The following DHX57 variants were observed in gnomAD, a reference collection of about 807,000 sequenced individuals.
DHX57 encodes the protein putative ATP-dependent RNA helicase DHX57.
In DHX57, 105 loss-of-function variants were observed where a neutral mutation model predicts 156.2. The ratio of observed to expected loss-of-function variants is 0.67; its 90% CI spans 0.57 to 0.79. The LOEUF (loss-of-function observed/expected upper bound fraction) is 0.79. Ranked by LOEUF, DHX57 falls within the 30% of genes least tolerant of loss-of-function variation. The probability of loss-of-function intolerance (pLI) is 0.00; values close to 1 mark genes in which losing one functional copy is unlikely to be tolerated. For synonymous variants in DHX57, 704 were observed against 595.6 expected (o/e 1.18, Z -2.65); for missense variants, 1,847 against 1,661.9 (o/e 1.11, Z -1.94).
At chr2:38,851,207 C>A (rs1235841625) in intron 9 of DHX57, among the ~76,000 whole-genome samples, 1 of 152,158 alleles carries the variant, frequency 6.6e-6, no homozygotes, top group Non-Finnish European at 1.5e-5. Context: ...TTCTAACTCC[C>A]AATATACTCC....
rs192098583 is a variant in DHX57 at position 38,835,054 on chromosome 2, G to A, written c.2542+2777C>T. Among the ~76,000 whole-genome samples, 5 of 152,224 alleles carry A rather than the reference G, an allele frequency of 3.3e-5. No homozygotes were observed. In the East Asian group the frequency reaches 9.6e-4, roughly 29 times the overall value. ...GTTTGACAATTTTAGAAAGAGGTTTGGCTTTTAAAATATCAAGATAACAGA... is the reference window on the plus strand; with the variant it reads ...GTTTGACAATTTTAGAAAGAGGTTTAGCTTTTAAAATATCAAGATAACAGA... On this transcript the variant is annotated intron_variant, in intron 13 of 23. Transcript: ENST00000457308.
intron 16 of DHX57, among the ~76,000 whole-genome samples, chr2:38,824,856 C>G (rs1169559173): frequency 6.6e-6 from 1 of 152,120 alleles, no homozygotes; most frequent in Non-Finnish European, 1.5e-5. Context: ...ACCATGTTGT[C>G]CAGGCTGGTC....
At chr2:38,810,223 GT>G (rs1670170978) in intron 21 of DHX57, among the ~76,000 whole-genome samples, 1 of 133,794 alleles carries the variant, frequency 7.5e-6, no homozygotes, top group African/African-American at 2.8e-5. Flanking sequence ...TTTTTTAATT[GT>G]CATTTTATAG....
intron 4 of DHX57, 77 bp from the exon 5 acceptor site, chr2:38,861,914 T>G: frequency 7.0e-7 from 1 of 1,427,322 alleles, no homozygotes; most frequent in Non-Finnish European, 9.4e-7. Flanking sequence ...CATTTAAATA[T>G]GCTTAGATGA....
At chr2:38,865,850 T>A (rs1459185565) in intron 2 of DHX57, among the ~76,000 whole-genome samples, 3 of 152,210 alleles carry the variant, frequency 2.0e-5, no homozygotes, top group Non-Finnish European at 4.4e-5. Flanking sequence ...CTATTTTATA[T>A]CTACACTTGG....
At position 38,837,878 on chromosome 2, in the gene DHX57, T is replaced by A. The variant is rs151227417; in HGVS notation, c.2495A>T (p.Glu832Val). 2 of 1,613,730 alleles carry A rather than the reference T, an allele frequency of 1.2e-6. No homozygotes were observed. Among genetic ancestry groups the A allele is most frequent in the Non-Finnish European group, 1.7e-6 (2 of 1,179,658 alleles). The change falls in exon 13 of 24, where the codon GAG becomes GTG. Residue 832 changes from glutamate to valine, a missense_variant. Transcript: ENST00000457308. ...ATCCACAATCCACTCTAATAAGGCC[T>A]CTATTAATTCAAGATTCACCTTTTC... Reference protein sequence around the residue: ...DFEKVNLELIEALLEWIVDGK... With the variant: ...DFEKVNLELIVALLEWIVDGK...
At position 38,860,988 on chromosome 2, in the gene DHX57, GC is replaced by G. The variant is rs780650985; in HGVS notation, c.1411+10del. On this transcript the variant is annotated intron_variant, in intron 5 of 23. Coordinates refer to ENST00000457308, the MANE Select transcript of DHX57 (RefSeq NM_198963.3). ...GAATGCCTCCCTCCACAAGATCAAT[GC>G]CTTACATACCTTCTGGAATTTGATT... 5.0e-6 allele frequency: 8 copies of G among 1,603,730 alleles called. No individual in the cohort carries two copies. The highest frequency in any genetic ancestry group is 6.8e-6 in the Non-Finnish European group (8 of 1,172,814).
chr2:38,874,287 C>T (rs925312179), intron 1 of DHX57, among the ~76,000 whole-genome samples: 15 of 151,750 alleles, frequency 9.9e-5, no homozygotes, highest in African/African-American at 3.4e-4. Context: ...AATGAGGTTT[C>T]GCTTTGCTGC....
At chr2:38,835,554 G>C (rs1467364554) in intron 13 of DHX57, among the ~76,000 whole-genome samples, 1 of 152,144 alleles carries the variant, frequency 6.6e-6, no homozygotes, top group East Asian at 1.9e-4. Context: ...CAAAGACACT[G>C]AAGTGATCTA....
chr2:38,808,995 G>C (rs1405888064), intron 21 of DHX57, among the ~76,000 whole-genome samples: 1 of 152,050 alleles, frequency 6.6e-6, no homozygotes, highest in East Asian at 1.9e-4. Context: ...CACAGGCACA[G>C]TCATAGCTAA....
At chr2:38,827,039 G>C (rs1048132719) in intron 14 of DHX57, among the ~76,000 whole-genome samples, 1 of 152,132 alleles carries the variant, frequency 6.6e-6, no homozygotes, top group African/African-American at 2.4e-5. Context: ...GCTGAGGCAG[G>C]TGAATCACTT....
intron 21 of DHX57, among the ~76,000 whole-genome samples, chr2:38,809,067 A>T (rs766361940): frequency 6.6e-6 from 1 of 152,126 alleles, no homozygotes; most frequent in Non-Finnish European, 1.5e-5. Flanking sequence ...AGTAACTGAG[A>T]TTACCAGTGC....
chr2:38,875,430 C>G (rs568958847), intron 1 of DHX57, among the ~76,000 whole-genome samples: 1 of 152,194 alleles, frequency 6.6e-6, no homozygotes, highest in East Asian at 1.9e-4. Context: ...CGTCCCCACC[C>G]TTCTCCCCAA....
chr2:38,833,144 T>G (rs1356093120), intron 13 of DHX57, among the ~76,000 whole-genome samples: 1 of 151,948 alleles, frequency 6.6e-6, no homozygotes, highest in Non-Finnish European at 1.5e-5. Flanking sequence ...GAAAATGAAT[T>G]CTTTTATTTT....
Position 38,868,171 on chromosome 2 carries a change from G to A in DHX57, c.224+11C>T. 6.2e-7 allele frequency: 1 copy of A among 1,613,302 alleles called. No individual in the cohort carries two copies. On this transcript the variant is annotated intron_variant, in intron 2 of 23. Coordinates refer to ENST00000457308, the MANE Select transcript of DHX57 (RefSeq NM_198963.3). Reference sequence around the variant, plus strand: ...ATTTCCATATTTAAACATTCAAAGAGTTATAATGACCTGGAAGGGCGCCTT... The same window carrying A: ...ATTTCCATATTTAAACATTCAAAGAATTATAATGACCTGGAAGGGCGCCTT...
intron 17 of DHX57, among the ~76,000 whole-genome samples, chr2:38,820,859 G>C (rs899455376): frequency 7.6e-6 from 1 of 131,874 alleles, no homozygotes; most frequent in Non-Finnish European, 1.6e-5. Context: ...AGTAAAAAAA[G>C]ATTTTTTTTA....
chr2:38,851,838 G>A lies in DHX57; in HGVS notation c.2030+2216C>T, dbSNP rs143787769. On this transcript the variant is annotated intron_variant, in intron 9 of 23. Transcript: ENST00000457308. ...TTAATCTGAGAGAATGTTTTATTTG[G>A]CTTCCTCTTCCAAGTTGTTCAATGA... Among the ~76,000 whole-genome samples, 393 of 152,002 alleles carry A rather than the reference G, an allele frequency of 2.6e-3. 6 individuals carry two copies. Among genetic ancestry groups the A allele is most frequent in the Middle Eastern group, 0.01 (3 of 294 alleles).
In DHX57 at chr2:38,812,479, A is replaced by C. The variant is rs1274897977; in HGVS notation, c.3681+1342T>G. On this transcript the variant is annotated intron_variant, in intron 21 of 23. Transcript: ENST00000457308. ...AACTCAGGTAAAAGTCCAAGAGCACACTCAAGTAGGGTTTCCAGAAGGCTG... is the reference window on the plus strand; with the variant it reads ...AACTCAGGTAAAAGTCCAAGAGCACCCTCAAGTAGGGTTTCCAGAAGGCTG... Among the ~76,000 whole-genome samples, 3 of 152,312 alleles carry C rather than the reference A, an allele frequency of 2.0e-5. No individual in the cohort carries two copies. The East Asian group carries it at 5.8e-4, about 29-fold the overall frequency.
chr2:38,874,228 A>G (rs558504392), intron 1 of DHX57, among the ~76,000 whole-genome samples: 19 of 151,798 alleles, frequency 1.3e-4, no homozygotes, highest in African/African-American at 4.6e-4. Flanking sequence ...AATAGCTGGG[A>G]CCACAGGTGC....
Sources: allele counts gnomAD v4.1 joint callset (sites outside exome capture counted in the v4.1 genomes callset), GRCh38; gene constraint gnomAD v4.1.1; transcripts MANE v1.5; gene names NCBI Gene and HGNC (gene_info 2026-07-23, HGNC 2026-07-21).